The following RGS21 variants were observed in gnomAD, a reference collection of about 807,000 sequenced individuals.
RGS21 encodes regulator of G-protein signalling 21.
Under a neutral mutation model 18.7 loss-of-function variants are expected in RGS21, and 19 were observed. The observed-to-expected ratio is 1.01, with a 90% CI of 0.71 to 1.49. The LOEUF (loss-of-function observed/expected upper bound fraction) is 1.49. RGS21 is among the 40% of genes most tolerant of loss of function. The probability of loss-of-function intolerance (pLI) is 0.00; values close to 1 mark genes in which losing one functional copy is unlikely to be tolerated. For synonymous variants in RGS21, 56 were observed against 57.8 expected, an observed-to-expected ratio of 0.97 and a Z score of 0.14; for missense variants, 194 against 176.8, an observed-to-expected ratio of 1.10 and a Z score of -0.55.
chr1:192,344,484 A>C (rs904243430), intron 2 of RGS21, among the ~76,000 whole-genome samples: 8 of 152,114 alleles, frequency 5.3e-5, no homozygotes, highest in African/African-American at 1.9e-4. Flanking sequence ...GATTAAATGA[A>C]GTCTATGATA....
chr1:192,320,690 A>G (rs572941316), intron 1 of RGS21, among the ~76,000 whole-genome samples: 2 of 152,068 alleles, frequency 1.3e-5, no homozygotes, highest in Non-Finnish European at 2.9e-5. Flanking sequence ...ATGATTTACT[A>G]TATTATTAAT....
rs916039898 is a variant in RGS21, at chr1:192,331,405, A to C, written c.-60-11572A>C. ...CGTCTCTACTAAAAGACAAAAAATT[A>C]GCGTGGTGGCAGGCGCCTGTAGTCC... On this transcript the variant is annotated intron_variant, in intron 1 of 4. Coordinates refer to ENST00000417209, the MANE Select transcript of RGS21 (RefSeq NM_001039152.3). 5.3e-5 allele frequency among the ~76,000 whole-genome samples: 8 copies of C among 152,050 alleles called. No individual in the cohort carries two copies. The East Asian group carries it at 1.5e-3, about 29-fold the overall frequency.
chr1:192,354,331 T>C (rs1659083337), intron 4 of RGS21, among the ~76,000 whole-genome samples: 1 of 151,658 alleles, frequency 6.6e-6, no homozygotes, highest in Non-Finnish European at 1.5e-5. Flanking sequence ...AAAGTTAGAT[T>C]TGCGGTGTGG....
intron 2 of RGS21, among the ~76,000 whole-genome samples, 200 bp from the exon 3 acceptor site, chr1:192,347,113 T>C (rs531329771): frequency 6.6e-6 from 1 of 152,330 alleles, no homozygotes; most frequent in South Asian, 2.1e-4. Context: ...GATTAATAAA[T>C]AATTTGCTGA....
At chr1:192,336,653 A>C (rs1405056272) in intron 1 of RGS21, among the ~76,000 whole-genome samples, 1 of 152,144 alleles carries the variant, frequency 6.6e-6, no homozygotes, top group Non-Finnish European at 1.5e-5. Flanking sequence ...CAAAAAAATG[A>C]ATGGTTGAAT....
chr1:192,352,270 T>A, intron 4 of RGS21, 57 bp downstream of exon 4: 1 of 1,220,700 alleles, frequency 8.2e-7, no homozygotes, highest in Non-Finnish European at 1.1e-6. Flanking sequence ...CTGCTCCCAA[T>A]TAGAAGACCT....
At chr1:192,352,700 G>A (rs1007958843) in intron 4 of RGS21, among the ~76,000 whole-genome samples, 1 of 151,980 alleles carries the variant, frequency 6.6e-6, no homozygotes, top group South Asian at 2.1e-4. Flanking sequence ...GTAAAATTGA[G>A]CCAAAGATGT....
rs531445599 is a variant in RGS21, at chr1:192,329,025, A to AT, written c.-61+11928dup. The stretch of plus-strand genomic sequence containing the variant: ...AGATCAACTTTACAATCCCATGAGA[A>AT]TTTTTTTTCTTTTTAAATGACAAGA... On this transcript the variant is annotated intron_variant, in intron 1 of 4. Transcript: ENST00000417209. 1.2e-3 allele frequency among the ~76,000 whole-genome samples: 181 copies of AT among 152,056 alleles called. 1 individual carries two copies. In the Middle Eastern group the frequency reaches 0.024, roughly 20 times the overall value.
chr1:192,345,621 A>C (rs1044913522), intron 2 of RGS21, among the ~76,000 whole-genome samples: 3 of 151,948 alleles, frequency 2.0e-5, no homozygotes, highest in Admixed American at 6.6e-5. Flanking sequence ...GAATTTGTCT[A>C]GATTTTATTT....
chr1:192,330,600 C>G (rs1658632821), intron 1 of RGS21, among the ~76,000 whole-genome samples: 1 of 152,106 alleles, frequency 6.6e-6, no homozygotes, highest in African/African-American at 2.4e-5. Context: ...CAGTAAGACT[C>G]TTCTAAGATA....
chr1:192,356,748 G>A lies in RGS21; in HGVS notation c.255+4535G>A, dbSNP rs746413413. Among the ~76,000 whole-genome samples the A allele has an allele frequency of 5.9e-5, 9 of 151,530 alleles. No homozygotes were observed. The East Asian group carries it at 9.6e-4, about 16-fold the overall frequency. On this transcript the variant is annotated intron_variant, in intron 4 of 4. Coordinates refer to ENST00000417209, the MANE Select transcript of RGS21 (RefSeq NM_001039152.3). ...AATTTGTAATCTGCATTTTATATTC[G>A]TATTTTTTCTTTGCATTTTTAAATA...
intron 4 of RGS21, among the ~76,000 whole-genome samples, chr1:192,363,605 G>A (rs184982500): frequency 2.3e-4 from 35 of 152,200 alleles, no homozygotes; most frequent in Admixed American, 1.0e-3. Flanking sequence ...CATTATATAA[G>A]TTATCGTGCC....
Position 192,342,097 on chromosome 1 carries a change from G to A in RGS21, c.-60-880G>A, listed in dbSNP as rs76742898. Reference sequence around the variant, plus strand: ...TATAGATCAACTAGGGCATTTCCACGGTAAGTCAAGGAGAAGAACATTTTT... The same window carrying A: ...TATAGATCAACTAGGGCATTTCCACAGTAAGTCAAGGAGAAGAACATTTTT... On this transcript the variant is annotated intron_variant, in intron 1 of 4. Transcript: ENST00000417209. 3.8e-4 allele frequency among the ~76,000 whole-genome samples: 57 copies of A among 151,958 alleles called. 1 individual carries two copies. Among genetic ancestry groups the A allele is most frequent in the East Asian group, 1.7e-3 (9 of 5,170 alleles).
intron 1 of RGS21, among the ~76,000 whole-genome samples, chr1:192,333,755 T>G (rs1395965024): frequency 6.6e-6 from 1 of 152,040 alleles, no homozygotes; most frequent in African/African-American, 2.4e-5. Context: ...GTTCTGTGTC[T>G]TGACTTCATT....
chr1:192,350,214 C>A lies in RGS21; in HGVS notation c.89-1833C>A, dbSNP rs555734183. Among the ~76,000 whole-genome samples, 6 of 152,230 alleles carry A rather than the reference C, an allele frequency of 3.9e-5. 1 individual carries two copies. The highest frequency in any genetic ancestry group is 4.1e-4 in the South Asian group (2 of 4,826). ...AAGAATTTTAATTGGTACCTGATAA[C>A]CTTTTGCAATGACTTGTTATTGCAA... On this transcript the variant is annotated intron_variant, in intron 3 of 4. Coordinates refer to ENST00000417209, the MANE Select transcript of RGS21 (RefSeq NM_001039152.3).
At chr1:192,355,732 A>G (rs1659102705) in intron 4 of RGS21, among the ~76,000 whole-genome samples, 2 of 151,512 alleles carry the variant, frequency 1.3e-5, no homozygotes, top group Admixed American at 1.3e-4. Context: ...TGAATTTTCA[A>G]GAAAATATTA....
chr1:192,353,400 T>C (rs914691823), intron 4 of RGS21, among the ~76,000 whole-genome samples: 1 of 151,954 alleles, frequency 6.6e-6, no homozygotes, highest in Non-Finnish European at 1.5e-5. Flanking sequence ...CAAGTCATCA[T>C]CTAAGAATCA....
intron 1 of RGS21, among the ~76,000 whole-genome samples, chr1:192,329,096 A>C (rs971201469): frequency 1.1e-4 from 17 of 152,098 alleles, no homozygotes; most frequent in Admixed American, 5.2e-4. Flanking sequence ...GTGGGTTATA[A>C]GTTTTTCGAT....
chr1:192,356,225 G>A (rs1659111324), intron 4 of RGS21, among the ~76,000 whole-genome samples: 1 of 151,710 alleles, frequency 6.6e-6, no homozygotes, highest in African/African-American at 2.4e-5. Context: ...TGCTTATTGA[G>A]TCACATTATC....
Sources: allele counts gnomAD v4.1 joint callset (sites outside exome capture counted in the v4.1 genomes callset), GRCh38; gene constraint gnomAD v4.1.1; transcripts MANE v1.5; gene names NCBI Gene and HGNC (gene_info 2026-07-23, HGNC 2026-07-21).